GLI3: variants seen among roughly 807,000 people sequenced by gnomAD.
GLI3 encodes the protein transcription activator GLI3.
Under a neutral mutation model 100.8 loss-of-function variants are expected in GLI3, and 20 were observed. That is an observed-to-expected ratio of 0.20 (90% confidence interval 0.14 to 0.29). GLI3 has a LOEUF of 0.29. GLI3 is among the 10% of genes least tolerant of loss of function. The pLI, the probability that GLI3 is intolerant of heterozygous loss-of-function variation, is 1.00. For synonymous variants in GLI3, 938 were observed against 860.5 expected, an observed-to-expected ratio of 1.09 and a Z score of -1.58; for missense variants, 2,040 against 2,128.5, an observed-to-expected ratio of 0.96 and a Z score of 0.82.
upstream of GLI3, among the ~76,000 whole-genome samples, chr7:42,238,733 A>T (rs1221200280): frequency 6.6e-6 from 1 of 152,046 alleles, no homozygotes; most frequent in South Asian, 2.1e-4. Context: ...TCCAACCTGG[A>T]CATGTAACTT....
At chr7:42,036,123 T>C (rs974897173) in intron 7 of GLI3, among the ~76,000 whole-genome samples, 6 of 152,216 alleles carry the variant, frequency 3.9e-5, no homozygotes, top group Non-Finnish European at 7.3e-5. Flanking sequence ...GTCTGGATTA[T>C]TAAGTAAATA....
chr7:42,150,618 A>G (rs1036793266), intron 2 of GLI3, among the ~76,000 whole-genome samples: 4 of 152,160 alleles, frequency 2.6e-5, no homozygotes, highest in African/African-American at 9.7e-5. Context: ...ACCCTTCCTC[A>G]GGGGGGCTCT....
rs190033516 is a variant in GLI3, at chr7:42,037,219, C to G, written c.1028+2819G>C. Among the ~76,000 whole-genome samples, 103 of 152,258 alleles carry G rather than the reference C, an allele frequency of 6.8e-4. 1 individual carries two copies. The Middle Eastern group carries it at 0.01, about 15-fold the overall frequency. The stretch of plus-strand genomic sequence containing the variant: ...GTGAGAACGGTGAGTGAGCATGAGC[C>G]GTGCACCTGCCCTGTTAGTCAGCAT... On this transcript the variant is annotated intron_variant, in intron 7 of 14. Transcript: ENST00000395925.
chr7:42,169,978 C>A (rs1267541251), intron 2 of GLI3, among the ~76,000 whole-genome samples: 1 of 151,632 alleles, frequency 6.6e-6, no homozygotes, highest in Non-Finnish European at 1.5e-5. Flanking sequence ...AAAAATCAGG[C>A]CAGGCACAGT....
At chr7:42,090,414 T>G (rs1032532885) in intron 3 of GLI3, among the ~76,000 whole-genome samples, 1 of 152,240 alleles carries the variant, frequency 6.6e-6, no homozygotes, top group African/African-American at 2.4e-5. Context: ...CTGTCTTACA[T>G]GTGGTCAGTC....
Position 42,045,444 on chromosome 7 carries a change from G to A in GLI3, c.766C>T (p.Pro256Ser). Residue 256 changes from proline (P) to serine (S), a missense_variant, in exon 6 of 15, where the codon CCC becomes TCC. Pro to Ser is a moderately conservative substitution (Grantham distance 74). Around this residue, in one of 5 missense-constraint regions of GLI3, gnomAD observed 603 missense variants for 690.9 expected, o/e 0.87. Transcript: ENST00000395925. ...CCCGTGCCGGCGGTGGCAGCTGAGG[G>A]AATAATGTCTGCATAGGGGCTGCGC... ...GQRSPYADII[P>S]SAATAGTGAI... 2 of 1,613,820 alleles carry A rather than the reference G, an allele frequency of 1.2e-6. No individual in the cohort carries two copies. The highest frequency in any genetic ancestry group is 2.2e-5 in the South Asian group (2 of 91,078).
chr7:42,114,223 C>T (rs1051488669), intron 3 of GLI3, among the ~76,000 whole-genome samples: 2 of 152,268 alleles, frequency 1.3e-5, no homozygotes, highest in Middle Eastern at 3.4e-3. Flanking sequence ...ATGCTAAATG[C>T]GAAATGTCAA....
At chr7:42,183,577 A>C (rs1787660255) in intron 2 of GLI3, among the ~76,000 whole-genome samples, 1 of 152,204 alleles carries the variant, frequency 6.6e-6, no homozygotes, top group Non-Finnish European at 1.5e-5. Flanking sequence ...ACAGGAAGTG[A>C]GTTTAGTTTT....
chr7:42,150,456 A>T (rs924869076), intron 2 of GLI3, among the ~76,000 whole-genome samples: 12 of 152,206 alleles, frequency 7.9e-5, no homozygotes, highest in African/African-American at 2.9e-4. Flanking sequence ...TCAGTTTTAT[A>T]AAAATTCCCA....
intron 2 of GLI3, among the ~76,000 whole-genome samples, chr7:42,220,084 C>T (rs1168235747): frequency 1.2e-4 from 18 of 152,070 alleles, no homozygotes; most frequent in Non-Finnish European, 1.2e-4. Context: ...GATCTCCTGA[C>T]CTGGTGATCC....
rs1001828861 is a variant in GLI3, at chr7:42,093,572, G to A, written c.368-16715C>T. Among the ~76,000 whole-genome samples the A allele has an allele frequency of 6.6e-5, 10 of 151,988 alleles. No homozygotes were observed. In the South Asian group the frequency reaches 2.1e-3, roughly 32 times the overall value. ...CACATGCTGTGGTTGTTCTGGACAG[G>A]GTCAGATTAAGCAATTTCAGTGCTT... On this transcript the variant is annotated intron_variant, in intron 3 of 14. Transcript: ENST00000395925.
At chr7:42,000,015 T>C (rs1363861451) in intron 10 of GLI3, among the ~76,000 whole-genome samples, 1 of 152,182 alleles carries the variant, frequency 6.6e-6, no homozygotes, top group Non-Finnish European at 1.5e-5. Context: ...AGAGGGAACA[T>C]CCCACCTTCG....
intron 3 of GLI3, among the ~76,000 whole-genome samples, chr7:42,137,864 G>T (rs576279920): frequency 1.3e-5 from 2 of 152,258 alleles, no homozygotes; most frequent in Admixed American, 1.3e-4. Context: ...GTGTGGAAAA[G>T]GTATATATAA....
Position 41,972,539 on chromosome 7 carries a change from G to A in GLI3, c.1901C>T (p.Pro634Leu), listed in dbSNP as rs1036446107. The change falls in exon 13 of 15, where the codon CCA becomes CTA. Residue 634 changes from proline to leucine, a missense_variant. Pro to Leu is a moderately conservative substitution (Grantham distance 98). Around this residue, in one of 5 missense-constraint regions of GLI3, gnomAD observed 61 missense variants for 150.9 expected, o/e 0.40. Transcript: ENST00000395925. This position sits in a 1 kb window ranked among gnomAD's most constrained non-coding sequence, Gnocchi z 4.4. ...LRKHVKTVHG[P>L]EAHVTKKQRG... ...CTGCTTCTTGGTGACATGAGCCTCT[G>A]GGCCATGCACTGTCTTCACATGTTT... 1 of 1,612,646 alleles carries A rather than the reference G, an allele frequency of 6.2e-7. No homozygotes were observed. Among genetic ancestry groups the A allele is most frequent in the African/African-American group, 1.3e-5 (1 of 74,850 alleles).
At chr7:41,985,570 C>G (rs572469669) in intron 10 of GLI3, among the ~76,000 whole-genome samples, 83 of 152,190 alleles carry the variant, frequency 5.5e-4, no homozygotes, top group African/African-American at 1.9e-3. Flanking sequence ...AATTTAGAAT[C>G]TATTAAAATT....
intron 2 of GLI3, among the ~76,000 whole-genome samples, chr7:42,182,484 C>A (rs1037271477): frequency 2.0e-5 from 3 of 150,008 alleles, no homozygotes; most frequent in East Asian, 3.9e-4. Flanking sequence ...TGCTCTTTAC[C>A]CAAAGAGCCG....
intron 3 of GLI3, among the ~76,000 whole-genome samples, chr7:42,089,636 CT>C (rs1785175881): frequency 6.6e-6 from 1 of 152,230 alleles, no homozygotes; most frequent in Admixed American, 6.5e-5. Context: ...GGGAATTTAT[CT>C]GCTCTCCATT....
intron 3 of GLI3, among the ~76,000 whole-genome samples, chr7:42,120,847 A>G (rs1475187595): frequency 3.9e-5 from 6 of 152,332 alleles, no homozygotes; most frequent in African/African-American, 1.4e-4. Context: ...GGGATCAACA[A>G]TTATCATTTT....
chr7:42,182,662 A>ATATATATACGTGTGTG (rs1554337073), intron 2 of GLI3, among the ~76,000 whole-genome samples: 23 of 76,740 alleles, frequency 3.0e-4, no homozygotes, highest in African/African-American at 5.3e-4. Context: ...ATATATATAT[A>ATATATATACGTGTGTG]TATATATATA....
Sources: allele counts gnomAD v4.1 joint callset (sites outside exome capture counted in the v4.1 genomes callset), GRCh38; gene constraint gnomAD v4.1.1; regional missense constraint gnomAD v4.1.1; non-coding constraint Gnocchi (gnomAD v3.1); transcripts MANE v1.5; gene names NCBI Gene and HGNC (gene_info 2026-07-23, HGNC 2026-07-21).